ILDR1: variants seen among roughly 807,000 people sequenced by gnomAD.
ILDR1 encodes the protein immunoglobulin-like domain-containing receptor 1.
In ILDR1, 56 loss-of-function variants were observed where a neutral mutation model predicts 62.4. That is an observed-to-expected ratio of 0.90 (90% CI 0.72 to 1.12). The LOEUF is 1.12. Ranked by LOEUF, ILDR1 falls within the 50% of genes most tolerant of loss-of-function variation. The pLI is 0.00. For synonymous variants in ILDR1, 284 were observed against 277.8 expected (o/e 1.02, Z -0.22); for missense variants, 736 against 710.6 (o/e 1.04, Z -0.41).
the ILDR1 span, among the ~76,000 whole-genome samples, chr3:122,056,485 C>T: frequency 1.3e-5 from 2 of 152,160 alleles, no homozygotes; most frequent in Admixed American, 6.5e-5. Context: ...CAGGCGCCCA[C>T]CACCACGCCC....
At chr3:122,012,829 A>G (rs1010302909) in intron 1 of ILDR1, among the ~76,000 whole-genome samples, 1 of 152,212 alleles carries the variant, frequency 6.6e-6, no homozygotes, top group Non-Finnish European at 1.5e-5. Context: ...TACAAATGTA[A>G]ACTATCATGA....
the ILDR1 span, among the ~76,000 whole-genome samples, chr3:122,047,921 G>T: frequency 6.6e-6 from 1 of 152,200 alleles, no homozygotes; most frequent in Admixed American, 6.5e-5. Context: ...TTCCTATTCG[G>T]CCATCTTGGC....
the ILDR1 span, chr3:122,055,445 A>T: frequency 6.2e-7 from 1 of 1,603,684 alleles, no homozygotes; most frequent in Non-Finnish European, 8.5e-7. Context: ...CACACGGATG[A>T]GTGGGGTCAT....
At chr3:122,003,570 G>T (rs1017423354) in intron 3 of ILDR1, among the ~76,000 whole-genome samples, 1 of 152,140 alleles carries the variant, frequency 6.6e-6, no homozygotes, top group Admixed American at 6.5e-5. Flanking sequence ...AAGGATCTAA[G>T]GACTGATTTG....
At chr3:121,992,173 G>C (rs1330117180) in intron 7 of ILDR1, among the ~76,000 whole-genome samples, 1 of 152,084 alleles carries the variant, frequency 6.6e-6, no homozygotes, top group East Asian at 1.9e-4. Flanking sequence ...TTTTGCTCTT[G>C]TCACCCAGGC....
chr3:122,038,956 A>C, the ILDR1 span, among the ~76,000 whole-genome samples: 83,012 of 151,632 alleles, frequency 0.55, 23,719 homozygotes, highest in African/African-American at 0.7. Flanking sequence ...CCTGTGTGTA[A>C]AATTATTAAT....
chr3:122,061,269 T>C, the ILDR1 span, among the ~76,000 whole-genome samples: 2 of 152,238 alleles, frequency 1.3e-5, no homozygotes, highest in Admixed American at 6.5e-5. Context: ...AAACAATAAA[T>C]CTTTATCAAG....
rs200848106 is a variant in ILDR1, at chr3:122,007,138, C to A, written c.82G>T (p.Val28Phe). The change falls in exon 2 of 8, where the codon GTC becomes TTC. Residue 28 changes from valine to phenylalanine, a missense_variant. Val to Phe is a conservative substitution (Grantham distance 50). Transcript: ENST00000344209. Reference protein sequence around the residue: ...PAGCLSLLVTVQHTERYVTLF... With the variant: ...PAGCLSLLVTFQHTERYVTLF... ...GTGACATAGCGTTCTGTGTGCTGGA[C>A]CGTCACAAGCAAGGACAGGCACCCT... The A allele has an allele frequency of 3.1e-6, 5 of 1,614,020 alleles. No individual in the cohort carries two copies.
In ILDR1 at chr3:121,993,458, G is replaced by C. The variant is rs376510686; in HGVS notation, c.1291C>G (p.Arg431Gly). 6.2e-7 allele frequency: 1 copy of C among 1,614,006 alleles called. No homozygotes were observed. The highest frequency in any genetic ancestry group is 1.7e-4 in the Middle Eastern group (1 of 6,060). The stretch of plus-strand genomic sequence containing the variant: ...AAAGGAGGGTGGCTCGGCCGCCAGC[G>C]TGCCTCACTGGATGAGGGGACATCG... Reference protein sequence around the residue: ...LSDVPSSSEARWRPSHPPFRS... With the variant: ...LSDVPSSSEAGWRPSHPPFRS... The change falls in exon 7 of 8, where the codon CGC (arginine) becomes GGC (glycine). Residue 431 changes from arginine to glycine, a missense_variant. Physicochemically the swap from Arg to Gly is moderately radical, Grantham distance 125. Coordinates refer to ENST00000344209, the MANE Select transcript of ILDR1 (RefSeq NM_001199799.2).
chr3:122,021,952 C>T, intron 1 of ILDR1, 68 bp downstream of exon 1: 1 of 1,491,274 alleles, frequency 6.7e-7, no homozygotes, highest in Non-Finnish European at 9.2e-7. Flanking sequence ...GCCAGCTCTG[C>T]AAGGCCACGC....
chr3:122,048,937 A>G, the ILDR1 span, among the ~76,000 whole-genome samples: 2 of 152,068 alleles, frequency 1.3e-5, no homozygotes, highest in Non-Finnish European at 2.9e-5. Flanking sequence ...TTACGCTTTA[A>G]TCATTATTTC....
the ILDR1 span, among the ~76,000 whole-genome samples, chr3:122,047,453 C>A: frequency 6.6e-6 from 1 of 152,260 alleles, no homozygotes; most frequent in African/African-American, 2.4e-5. Context: ...CCAGTTGGAG[C>A]TTCCTGGCTG....
At chr3:122,009,997 G>C (rs1184156721) in intron 1 of ILDR1, among the ~76,000 whole-genome samples, 3 of 152,246 alleles carry the variant, frequency 2.0e-5, no homozygotes, top group Admixed American at 2.0e-4. Context: ...GGCAGTGCAG[G>C]CGAGAGCTGT....
the ILDR1 span, among the ~76,000 whole-genome samples, chr3:122,040,477 C>A: frequency 1.3e-5 from 2 of 151,470 alleles, no homozygotes; most frequent in Non-Finnish European, 3.0e-5. Context: ...AAAATAATAT[C>A]TTAGAAAACT....
rs1454338890 is a variant in ILDR1 at position 121,987,589 on chromosome 3, T to A, written c.*778A>T. The A allele has an allele frequency of 6.6e-6, 1 of 152,346 alleles. No individual in the cohort carries two copies. Among genetic ancestry groups the A allele is most frequent in the Non-Finnish European group, 1.5e-5 (1 of 68,184 alleles). The allele number at this position is 152,346 out of a possible 1,614,324, so 9.4% of individuals were successfully genotyped here. ...TTTATGGGCTGGCAGGATAAACTCC[T>A]AACAAGAAAGGACCCTCAAGACATG... On this transcript the variant is annotated 3_prime_UTR_variant, in exon 8 of 8. Coordinates refer to ENST00000344209, the MANE Select transcript of ILDR1 (RefSeq NM_001199799.2).
At chr3:122,036,318 G>T in the ILDR1 span, among the ~76,000 whole-genome samples, 1 of 152,080 alleles carries the variant, frequency 6.6e-6, no homozygotes. Context: ...TGCTAGGTGT[G>T]GTGGCTCATG....
At chr3:122,039,407 C>T in the ILDR1 span, among the ~76,000 whole-genome samples, 5 of 151,850 alleles carry the variant, frequency 3.3e-5, no homozygotes, top group African/African-American at 1.2e-4. Context: ...AGATATTACA[C>T]GTAGAAAAAC....
the ILDR1 span, among the ~76,000 whole-genome samples, chr3:122,059,821 C>T: frequency 6.6e-6 from 1 of 151,964 alleles, no homozygotes; most frequent in Non-Finnish European, 1.5e-5. Context: ...GGTCCTAATC[C>T]AAGACAATTG....
chr3:122,001,994 T>C, intron 3 of ILDR1, 130 bp from the exon 4 acceptor site: 2 of 1,088,502 alleles, frequency 1.8e-6, no homozygotes. Context: ...AAAAAAATTA[T>C]CCAGCCATGG....
Sources: gnomAD v4.1 joint callset for allele counts (sites outside exome capture counted in the v4.1 genomes callset) on GRCh38, gnomAD v4.1.1 for gene constraint, MANE v1.5 for transcripts, NCBI Gene and HGNC (gene_info 2026-07-23, HGNC 2026-07-21) for gene names.